Variants in NLGN1 observed in about 807,000 individuals in gnomAD.
NLGN1 encodes the protein neuroligin 1, also known as neuroligin-1.
A neutral mutation model predicts 65.5 loss-of-function variants in NLGN1; 12 were observed. The ratio of observed to expected loss-of-function variants is 0.18; its 90% CI spans 0.12 to 0.30. The LOEUF (loss-of-function observed/expected upper bound fraction) is 0.30. Ranked by LOEUF, NLGN1 falls within the 10% of genes least tolerant of loss-of-function variation. NLGN1 has a pLI of 1.00. For synonymous variants in NLGN1, 350 were observed against 359.5 expected (o/e 0.97, Z 0.30); for missense variants, 750 against 1,007.1 (o/e 0.74, Z 3.46).
chr3:173,950,575 G>C (rs1023868412), intron 4 of NLGN1, among the ~76,000 whole-genome samples: 11 of 152,070 alleles, frequency 7.2e-5, no homozygotes, highest in African/African-American at 2.7e-4. Context: ...CACTTTGGGA[G>C]GCCTAGGTGG....
chr3:174,249,480 T>G (rs1744395400), intron 4 of NLGN1, among the ~76,000 whole-genome samples: 1 of 152,218 alleles, frequency 6.6e-6, no homozygotes, highest in Non-Finnish European at 1.5e-5. Flanking sequence ...AATGTCAGTC[T>G]CTTCACATTG....
intron 3 of NLGN1, among the ~76,000 whole-genome samples, chr3:173,667,802 G>T (rs934419097): frequency 6.6e-5 from 10 of 151,896 alleles, no homozygotes; most frequent in Admixed American, 4.6e-4. Context: ...GCTCACTTTT[G>T]TATGTTTTTT....
At chr3:173,651,303 T>TTA (rs1439542331) in intron 3 of NLGN1, among the ~76,000 whole-genome samples, 3 of 151,272 alleles carry the variant, frequency 2.0e-5, no homozygotes, top group Admixed American at 6.6e-5. Context: ...TATTTATGTG[T>TTA]TATATATATG....
chr3:173,466,354 A>G (rs1724355672), intron 2 of NLGN1, among the ~76,000 whole-genome samples: 1 of 152,152 alleles, frequency 6.6e-6, no homozygotes, highest in South Asian at 2.1e-4. Flanking sequence ...GCTTACTGGG[A>G]AAAAATAAAA....
At chr3:174,140,734 G>C (rs997954970) in intron 4 of NLGN1, among the ~76,000 whole-genome samples, 3 of 152,012 alleles carry the variant, frequency 2.0e-5, no homozygotes, top group Non-Finnish European at 2.9e-5. Flanking sequence ...TCCATGTCAT[G>C]GATTATTTTT....
intron 4 of NLGN1, among the ~76,000 whole-genome samples, chr3:174,152,400 A>C (rs551195923): frequency 1.3e-5 from 2 of 152,254 alleles, no homozygotes; most frequent in East Asian, 3.9e-4. Context: ...AAAAATACAA[A>C]AAAACAAACA....
intron 4 of NLGN1, among the ~76,000 whole-genome samples, chr3:174,136,214 G>C (rs1721177542): frequency 6.6e-6 from 1 of 152,076 alleles, no homozygotes; most frequent in Non-Finnish European, 1.5e-5. Flanking sequence ...TATATTGGTG[G>C]AATGTTCACA....
chr3:174,061,683 C>G (rs1220079971), intron 4 of NLGN1, among the ~76,000 whole-genome samples: 1 of 152,048 alleles, frequency 6.6e-6, no homozygotes, highest in African/African-American at 2.4e-5. Flanking sequence ...AATGATTTAA[C>G]ATAAAAATAA....
chr3:173,811,204 T>G (rs781680196), intron 4 of NLGN1, among the ~76,000 whole-genome samples: 1 of 152,228 alleles, frequency 6.6e-6, no homozygotes, highest in Non-Finnish European at 1.5e-5. Flanking sequence ...TATATATGTT[T>G]AAAATTATTG....
intron 3 of NLGN1, among the ~76,000 whole-genome samples, chr3:173,697,049 T>A (rs1766327505): frequency 6.6e-6 from 1 of 152,252 alleles, no homozygotes; most frequent in African/African-American, 2.4e-5. Flanking sequence ...AACAATGCTA[T>A]CCTTCTCATC....
chr3:173,875,943 T>C (rs940466079), intron 4 of NLGN1, among the ~76,000 whole-genome samples: 1 of 152,102 alleles, frequency 6.6e-6, no homozygotes, highest in African/African-American at 2.4e-5. Context: ...TTAGTGCTGG[T>C]CAGGCTGGGG....
intron 3 of NLGN1, among the ~76,000 whole-genome samples, chr3:173,771,223 A>G (rs965875555): frequency 6.6e-6 from 1 of 152,194 alleles, no homozygotes; most frequent in Non-Finnish European, 1.5e-5. Context: ...CCATTATATG[A>G]TAACATCTGT....
At chr3:173,794,032 C>T (rs1263645132) in intron 3 of NLGN1, among the ~76,000 whole-genome samples, 2 of 152,042 alleles carry the variant, frequency 1.3e-5, no homozygotes, top group Non-Finnish European at 2.9e-5. Context: ...CACTGACCTC[C>T]AGGCTTCCTC....
chr3:173,714,796 T>G (rs1656784215), intron 3 of NLGN1, among the ~76,000 whole-genome samples: 1 of 151,958 alleles, frequency 6.6e-6, no homozygotes, highest in Non-Finnish European at 1.5e-5. Flanking sequence ...AATGTATGGG[T>G]CAGATGAAGA....
At chr3:173,528,294 C>T (rs1735995649) in intron 2 of NLGN1, among the ~76,000 whole-genome samples, 1 of 152,186 alleles carries the variant, frequency 6.6e-6, no homozygotes, top group African/African-American at 2.4e-5. Flanking sequence ...TCAATGTCTT[C>T]TGGCTGAGAT....
At chr3:173,548,716 C>T (rs945891264) in intron 2 of NLGN1, among the ~76,000 whole-genome samples, 9 of 151,678 alleles carry the variant, frequency 5.9e-5, no homozygotes, top group South Asian at 4.2e-4. Flanking sequence ...TAGAATCTAG[C>T]GAACACAAAC....
chr3:174,024,141 TA>T (rs34508881), intron 4 of NLGN1, among the ~76,000 whole-genome samples: 49,330 of 86,062 alleles, frequency 0.57, 13,491 homozygotes, highest in Middle Eastern at 0.68. Context: ...AGAGTCCTAT[TA>T]AAAAAAAAAA....
chr3:174,064,578 T>C (rs1358613799), intron 4 of NLGN1, among the ~76,000 whole-genome samples: 1 of 149,972 alleles, frequency 6.7e-6, no homozygotes, highest in African/African-American at 2.4e-5. Flanking sequence ...TTAATTATAA[T>C]ATTAATGTAT....
At chr3:173,623,840 T>A (rs1754399524) in intron 3 of NLGN1, among the ~76,000 whole-genome samples, 1 of 152,158 alleles carries the variant, frequency 6.6e-6, no homozygotes, top group African/African-American at 2.4e-5. Flanking sequence ...GCTTTTGCAT[T>A]TGTGCCATCT....
Sources: gnomAD v4.1 joint callset for allele counts (sites outside exome capture counted in the v4.1 genomes callset) on GRCh38, gnomAD v4.1.1 for gene constraint, MANE v1.5 for transcripts, NCBI Gene and HGNC (gene_info 2026-07-23, HGNC 2026-07-21) for gene names.